Variants in MACROD2 observed in about 807,000 individuals in gnomAD.
MACROD2 encodes the protein mono-ADP ribosylhydrolase 2.
A neutral mutation model predicts 70.4 loss-of-function variants in MACROD2; 36 were observed. The ratio of observed to expected loss-of-function variants is 0.51; its 90% CI spans 0.39 to 0.68. The LOEUF (loss-of-function observed/expected upper bound fraction) is 0.68, where lower values mean the gene tolerates loss of function less well. MACROD2 is among the 30% of genes least tolerant of loss of function. The pLI, the probability that MACROD2 is intolerant of heterozygous loss-of-function variation, is 0.00. For synonymous variants in MACROD2, 172 were observed against 178.8 expected, an observed-to-expected ratio of 0.96 and a Z score of 0.30; for missense variants, 496 against 538.4, an observed-to-expected ratio of 0.92 and a Z score of 0.78.
chr20:15,605,573 A>G (rs1264999173), intron 8 of MACROD2, among the ~76,000 whole-genome samples: 1 of 152,080 alleles, frequency 6.6e-6, no homozygotes, highest in Non-Finnish European at 1.5e-5. Flanking sequence ...AGAATAAACA[A>G]AATGAATAAA....
chr20:14,658,248 C>A (rs932499270), intron 4 of MACROD2, among the ~76,000 whole-genome samples: 1 of 152,104 alleles, frequency 6.6e-6, no homozygotes, highest in African/African-American at 2.4e-5. Flanking sequence ...ATTAATTATT[C>A]TTTTCTTCCA....
At chr20:14,549,685 A>C (rs1030147842) in intron 4 of MACROD2, among the ~76,000 whole-genome samples, 6 of 152,006 alleles carry the variant, frequency 3.9e-5, no homozygotes, top group African/African-American at 1.2e-4. Flanking sequence ...TCATTGATTC[A>C]CTCAGCATTT....
intron 15 of MACROD2, among the ~76,000 whole-genome samples, chr20:16,001,286 A>G (rs749576535): frequency 6.6e-5 from 10 of 152,166 alleles, no homozygotes; most frequent in Non-Finnish European, 1.3e-4. Flanking sequence ...ATGTGTTTTT[A>G]TAATCAAGAT....
In MACROD2 at chr20:14,934,822, G is replaced by C. The variant is rs1431561407; in HGVS notation, c.418+249863G>C. On this transcript the variant is annotated intron_variant, in intron 5 of 17. Transcript: ENST00000684519. The stretch of plus-strand genomic sequence containing the variant: ...ATAATAATAAAATAAAATAATAAAA[G>C]AAAAGGTTTAACAAAGGGACTCTCT... The C allele has an allele frequency of 2.7e-5, 4 of 146,436 alleles. No individual in the cohort carries two copies. In the East Asian group the frequency reaches 7.7e-4, roughly 28 times the overall value. 9.1% of individuals were successfully genotyped at this position (146,436 alleles called of 1,614,324 possible). A position where few individuals can be genotyped will look rare whatever the true frequency, so the allele number is the denominator to read the frequency against.
In MACROD2 at chr20:16,053,059, G is replaced by A. The variant is rs8116533; in HGVS notation, c.*3183G>A. ...TAATACGTGCCTCTTTTGTTAAACCGGCATTTAAATGCTGGACTGCTTCTA... is the reference window on the plus strand; with the variant it reads ...TAATACGTGCCTCTTTTGTTAAACCAGCATTTAAATGCTGGACTGCTTCTA... On this transcript the variant is annotated 3_prime_UTR_variant, in exon 18 of 18. Transcript: ENST00000684519. 22,015 of 152,396 alleles carry A rather than the reference G, an allele frequency of 0.14. 1,779 individuals carry two copies. The highest frequency in any genetic ancestry group is 0.21 in the African/African-American group (8,809 of 41,452). 9.4% of individuals were successfully genotyped at this position (152,396 alleles called of 1,614,324 possible).
intron 3 of MACROD2, among the ~76,000 whole-genome samples, chr20:14,197,268 A>G (rs940436271): frequency 6.6e-6 from 1 of 152,234 alleles, no homozygotes; most frequent in East Asian, 1.9e-4. Flanking sequence ...CAAGAAGGAA[A>G]AGTAGCCTGG....
chr20:15,641,356 C>T (rs1301910332), intron 8 of MACROD2, among the ~76,000 whole-genome samples: 1 of 152,136 alleles, frequency 6.6e-6, no homozygotes, highest in Non-Finnish European at 1.5e-5. Context: ...AACAGTAGAT[C>T]CAGCAAAGTC....
intron 6 of MACROD2, among the ~76,000 whole-genome samples, chr20:15,314,770 C>T (rs1015630792): frequency 6.6e-6 from 1 of 152,160 alleles, no homozygotes; most frequent in Non-Finnish European, 1.5e-5. Context: ...TAATGAAGAA[C>T]TGAAATCCTG....
At chr20:14,953,252 C>A (rs2074489709) in intron 5 of MACROD2, among the ~76,000 whole-genome samples, 1 of 152,058 alleles carries the variant, frequency 6.6e-6, no homozygotes, top group Non-Finnish European at 1.5e-5. Context: ...TCCTGTCTCC[C>A]ATAAAGTTGT....
intron 6 of MACROD2, among the ~76,000 whole-genome samples, chr20:15,421,804 A>G (rs1320479576): frequency 6.6e-6 from 1 of 152,200 alleles, no homozygotes; most frequent in Admixed American, 6.5e-5. Flanking sequence ...GAGGGAATTG[A>G]TGTTGGGGAG....
chr20:15,564,429 T>A (rs534068969), intron 8 of MACROD2, among the ~76,000 whole-genome samples: 1 of 152,364 alleles, frequency 6.6e-6, no homozygotes, highest in East Asian at 1.9e-4. Context: ...TGCTTTCCAC[T>A]TTAATTTACA....
chr20:14,880,506 A>G (rs2073598924), intron 5 of MACROD2, among the ~76,000 whole-genome samples: 1 of 152,190 alleles, frequency 6.6e-6, no homozygotes, highest in Non-Finnish European at 1.5e-5. Context: ...GGAACTTAAG[A>G]GAGATGAACT....
intron 5 of MACROD2, among the ~76,000 whole-genome samples, chr20:15,009,796 C>A (rs1185510995): frequency 7.0e-6 from 1 of 143,166 alleles, no homozygotes; most frequent in Non-Finnish European, 1.5e-5. Context: ...TTTTTTACCA[C>A]TGAATACATT....
Position 15,986,624 on chromosome 20 carries a change from T to C in MACROD2, c.986-103T>C, listed in dbSNP as rs977649011. 4 of 662,076 alleles carry C rather than the reference T, an allele frequency of 6.0e-6. No homozygotes were observed. In the Admixed American group the frequency reaches 1.0e-4, roughly 17 times the overall value. 41.0% of individuals were successfully genotyped at this position (662,076 alleles called of 1,614,324 possible). On this transcript the variant is annotated intron_variant, in intron 13 of 17. Coordinates refer to ENST00000684519, the MANE Select transcript of MACROD2 (RefSeq NM_001351661.2). ...GCCCTTTGGTTTCAAAACTGTTCTC[T>C]ATCTCTCCATGCATGATTAAAGCAC... is the stretch of plus-strand genomic sequence containing the variant.
chr20:15,718,900 A>G (rs1261158773), intron 8 of MACROD2, among the ~76,000 whole-genome samples: 2 of 152,190 alleles, frequency 1.3e-5, no homozygotes, highest in African/African-American at 4.8e-5. Context: ...TTGGATGTTA[A>G]GATGGTGGTA....
intron 7 of MACROD2, among the ~76,000 whole-genome samples, chr20:15,496,606 T>C (rs1200697351): frequency 6.6e-6 from 1 of 152,208 alleles, no homozygotes; most frequent in Non-Finnish European, 1.5e-5. Flanking sequence ...GATTGCAGTA[T>C]TTATTCGTTT....
intron 12 of MACROD2, among the ~76,000 whole-genome samples, chr20:15,961,366 G>A (rs1271246030): frequency 1.3e-5 from 2 of 152,044 alleles, no homozygotes; most frequent in Non-Finnish European, 2.9e-5. Flanking sequence ...CTCCAAACAG[G>A]TGCCTTTACA....
intron 10 of MACROD2, among the ~76,000 whole-genome samples, chr20:15,902,360 G>A (rs1174799346): frequency 6.6e-6 from 1 of 151,932 alleles, no homozygotes; most frequent in African/African-American, 2.4e-5. Flanking sequence ...TAAAATAGAG[G>A]CCTCTACTCT....
intron 3 of MACROD2, among the ~76,000 whole-genome samples, chr20:14,105,566 C>T (rs887362181): frequency 6.6e-6 from 1 of 152,180 alleles, no homozygotes; most frequent in African/African-American, 2.4e-5. Flanking sequence ...ACTCAAGAGG[C>T]AGTCTAGCTC....
Sources: allele counts gnomAD v4.1 joint callset (sites outside exome capture counted in the v4.1 genomes callset), GRCh38; gene constraint gnomAD v4.1.1; transcripts MANE v1.5; gene names NCBI Gene and HGNC (gene_info 2026-07-23, HGNC 2026-07-21).